The following CPE variants were observed in gnomAD, a reference collection of about 807,000 sequenced individuals.
The protein encoded by CPE is carboxypeptidase E.
CPE carries 17 observed loss-of-function variants against 53.5 expected under a neutral mutation model. The ratio of observed to expected loss-of-function variants is 0.32; its 90% CI spans 0.22 to 0.48. The LOEUF (loss-of-function observed/expected upper bound fraction) is 0.48. CPE is among the 20% of genes least tolerant of loss of function. The pLI is 0.99. For missense variants in CPE, 524 were observed against 614.7 expected, an observed-to-expected ratio of 0.85 and a Z score of 1.56; for synonymous variants, 226 against 228.8, an observed-to-expected ratio of 0.99 and a Z score of 0.11.
In CPE at chr4:165,404,939, G is replaced by A. The variant is rs574876215; in HGVS notation, c.307+25411G>A. Reference sequence around the variant, plus strand: ...GACTGGGAGAGGAGATGTGTTACTAGCAAAGACGTAGTGATCTGGAATCAC... The same window carrying A: ...GACTGGGAGAGGAGATGTGTTACTAACAAAGACGTAGTGATCTGGAATCAC... On this transcript the variant is annotated intron_variant, in intron 1 of 8. Coordinates refer to ENST00000402744, the MANE Select transcript of CPE (RefSeq NM_001873.4). 21 of 759,264 alleles carry A rather than the reference G, an allele frequency of 2.8e-5. 1 individual carries two copies. Among genetic ancestry groups the A allele is most frequent in the South Asian group, 1.8e-4 (13 of 74,258 alleles). The allele number at this position is 759,264 out of a possible 1,614,324, so 47.0% of individuals were successfully genotyped here.
intron 1 of CPE, among the ~76,000 whole-genome samples, chr4:165,381,053 C>T (rs967208546): frequency 1.4e-4 from 22 of 152,080 alleles, no homozygotes; most frequent in African/African-American, 5.1e-4. Flanking sequence ...TAATGAGAAC[C>T]CTTTGTTACT....
At chr4:165,459,223 T>A (rs1731952072) in intron 1 of CPE, among the ~76,000 whole-genome samples, 1 of 152,236 alleles carries the variant, frequency 6.6e-6, no homozygotes, top group African/African-American at 2.4e-5. Context: ...TTAAAATCAT[T>A]TGCCTGCTCT....
intron 6 of CPE, among the ~76,000 whole-genome samples, chr4:165,491,693 A>G (rs1427904717): frequency 6.6e-6 from 1 of 152,198 alleles, no homozygotes; most frequent in African/African-American, 2.4e-5. Context: ...GCAACATTAA[A>G]AAATTACATG....
In CPE at chr4:165,379,446, G is replaced by C. The variant is rs1276480919; in HGVS notation, c.225G>C (p.Arg75Ser). Residue 75 changes from arginine to serine, a missense_variant, in exon 1 of 9, where the codon AGG (arginine) becomes AGC (serine). Arg to Ser is a moderately radical substitution (Grantham distance 110, BLOSUM62 -1). Coordinates refer to ENST00000402744, the MANE Select transcript of CPE (RefSeq NM_001873.4). This position sits in a 1 kb window ranked among gnomAD's most constrained non-coding sequence, Gnocchi z 6.0. ...GGCTGCAGTGCACCGCCATCAGCAG[G>C]ATTTACACGGTGGGGCGCAGCTTCG... ...SVWLQCTAIS[R>S]IYTVGRSFEG... 1 of 1,609,526 alleles carries C rather than the reference G, an allele frequency of 6.2e-7. No individual in the cohort carries two copies. The highest frequency in any genetic ancestry group is 1.7e-5 in the Admixed American group (1 of 59,848).
At chr4:165,489,872 A>G (rs1371296449) in intron 6 of CPE, among the ~76,000 whole-genome samples, 1 of 152,242 alleles carries the variant, frequency 6.6e-6, no homozygotes, top group East Asian at 1.9e-4. Context: ...GCCACGCAAA[A>G]TAAGAATTTG....
chr4:165,398,190 A>G (rs1730803827), intron 1 of CPE, among the ~76,000 whole-genome samples: 1 of 144,004 alleles, frequency 6.9e-6, no homozygotes, highest in Admixed American at 6.8e-5. Context: ...TTAATACATA[A>G]ACTTATTTTA....
intron 1 of CPE, among the ~76,000 whole-genome samples, chr4:165,435,360 T>G (rs1279423495): frequency 6.6e-6 from 1 of 152,210 alleles, no homozygotes; most frequent in Non-Finnish European, 1.5e-5. Context: ...AAACTGACTT[T>G]GGAAAAGAAT....
At chr4:165,480,512 G>A (rs1337967929) in intron 3 of CPE, among the ~76,000 whole-genome samples, 17 of 152,044 alleles carry the variant, frequency 1.1e-4, no homozygotes, top group South Asian at 6.2e-4. Flanking sequence ...CTGTGTAGCC[G>A]GCCTGGCTGG....
intron 3 of CPE, among the ~76,000 whole-genome samples, chr4:165,473,651 G>A (rs1225796419): frequency 6.6e-6 from 1 of 152,180 alleles, no homozygotes; most frequent in Non-Finnish European, 1.5e-5. Context: ...TTTAGAGACT[G>A]GGTAAATATT....
Position 165,386,464 on chromosome 4 carries a change from A to G in CPE, c.307+6936A>G, listed in dbSNP as rs144395512. 4 of 364,336 alleles carry G rather than the reference A, an allele frequency of 1.1e-5. No homozygotes were observed. The East Asian group carries it at 4.3e-4, about 39-fold the overall frequency. The allele number at this position is 364,336 out of a possible 1,614,324, so 22.6% of individuals were successfully genotyped here. On this transcript the variant is annotated intron_variant, in intron 1 of 8. Coordinates refer to ENST00000402744, the MANE Select transcript of CPE (RefSeq NM_001873.4). ...TCATAAAACAAAGCCATGTTGGTCG[A>G]TGTTGACATCATGCATATTAGCATG...
At chr4:165,474,061 T>C (rs1732253515) in intron 3 of CPE, among the ~76,000 whole-genome samples, 1 of 152,250 alleles carries the variant, frequency 6.6e-6, no homozygotes, top group South Asian at 2.1e-4. Context: ...TCCAGTGGCC[T>C]GGCTTCCCAC....
chr4:165,406,365 C>A, intron 1 of CPE: 1 of 484,690 alleles, frequency 2.1e-6, no homozygotes, highest in South Asian at 1.8e-5. Context: ...CTGAAGAGAA[C>A]AGCAGTGGAG....
At position 165,442,023 on chromosome 4, in the gene CPE, G is replaced by GTT. The variant is rs11415472; in HGVS notation, c.308-22356_308-22355dup. On this transcript the variant is annotated intron_variant, in intron 1 of 8. Coordinates refer to ENST00000402744, the MANE Select transcript of CPE (RefSeq NM_001873.4). ...CTTCCTACAGCAAGACGGTGAGTTTGTTTTTTTTTTTTGTTTTTTTTTTGT... is the reference window on the plus strand; with the variant it reads ...CTTCCTACAGCAAGACGGTGAGTTTGTTTTTTTTTTTTTTGTTTTTTTTTTGT... Among the ~76,000 whole-genome samples, 304 of 107,374 alleles carry GTT rather than the reference G, an allele frequency of 2.8e-3. 7 individuals are homozygous for GTT. Among genetic ancestry groups the GTT allele is most frequent in the African/African-American group, 8.3e-3 (209 of 25,056 alleles). 70.4% of individuals were successfully genotyped at this position (107,374 alleles called of 152,430 possible).
At chr4:165,407,186 A>G (rs1278358918) in intron 1 of CPE, among the ~76,000 whole-genome samples, 1 of 152,206 alleles carries the variant, frequency 6.6e-6, no homozygotes, top group Non-Finnish European at 1.5e-5. Flanking sequence ...CAAAATGACT[A>G]CACCATTTAC....
rs947155825 is a variant in CPE at position 165,445,225 on chromosome 4, G to C, written c.308-19165G>C. On this transcript the variant is annotated intron_variant, in intron 1 of 8. Transcript: ENST00000402744. The stretch of plus-strand genomic sequence containing the variant: ...CCCGCCTCGAACTCCCAAAGTGCTG[G>C]GTGTACATGTGTGAGCTATTCTCTT... 2.6e-5 allele frequency among the ~76,000 whole-genome samples: 4 copies of C among 151,828 alleles called. No individual in the cohort carries two copies. In the East Asian group the frequency reaches 7.7e-4, roughly 29 times the overall value.
At chr4:165,458,940 A>G (rs1731947798) in intron 1 of CPE, among the ~76,000 whole-genome samples, 1 of 152,174 alleles carries the variant, frequency 6.6e-6, no homozygotes, top group Non-Finnish European at 1.5e-5. Context: ...TTGATCATTT[A>G]TGTCATGCTC....
At chr4:165,404,580 C>A (rs942254574) in intron 1 of CPE, 1 of 1,041,454 alleles carries the variant, frequency 9.6e-7, no homozygotes, top group East Asian at 2.4e-5. Flanking sequence ...GCTACATCCA[C>A]GCCAACTTCA....
intron 1 of CPE, among the ~76,000 whole-genome samples, chr4:165,434,984 TTCTC>T (rs1472747450): frequency 6.6e-6 from 1 of 152,140 alleles, no homozygotes; most frequent in Non-Finnish European, 1.5e-5. Flanking sequence ...TGCTCTGGCT[TTCTC>T]TCTCACCATA....
At chr4:165,456,320 A>C (rs2126695138) in intron 1 of CPE, among the ~76,000 whole-genome samples, 1 of 152,270 alleles carries the variant, frequency 6.6e-6, no homozygotes, top group African/African-American at 2.4e-5. Context: ...TTCAGTCAAA[A>C]AATTTTCCCT....
Sources: gnomAD v4.1 joint callset for allele counts (sites outside exome capture counted in the v4.1 genomes callset) on GRCh38, gnomAD v4.1.1 for gene constraint, Gnocchi (gnomAD v3.1) non-coding constraint, MANE v1.5 for transcripts, NCBI Gene and HGNC (gene_info 2026-07-23, HGNC 2026-07-21) for gene names.